ELMO1: variants seen among roughly 807,000 people sequenced by gnomAD.
The protein encoded by ELMO1 is engulfment and cell motility protein 1.
Under a neutral mutation model 98.9 loss-of-function variants are expected in ELMO1, and 26 were observed. The ratio of observed to expected loss-of-function variants is 0.26; its 90% confidence interval spans 0.19 to 0.36. ELMO1 has a LOEUF of 0.36. ELMO1 is among the 10% of genes least tolerant of loss of function. The pLI is 1.00. For missense variants in ELMO1, 627 were observed against 935.2 expected, an observed-to-expected ratio of 0.67 and a Z score of 4.30; for synonymous variants, 346 against 346.0, an observed-to-expected ratio of 1.00 and a Z score of 0.00.
At chr7:37,139,160 A>G (rs1787456287) in intron 13 of ELMO1, among the ~76,000 whole-genome samples, 1 of 152,182 alleles carries the variant, frequency 6.6e-6, no homozygotes, top group Admixed American at 6.5e-5. Flanking sequence ...CCTGAGAACT[A>G]GAACAGACAA....
At chr7:37,164,468 T>C (rs562762386) in intron 13 of ELMO1, among the ~76,000 whole-genome samples, 30 of 152,346 alleles carry the variant, frequency 2.0e-4, no homozygotes, top group African/African-American at 5.8e-4. Flanking sequence ...TTTATGGTTT[T>C]AGGTCTAACA....
chr7:37,275,723 T>C (rs1366764134), intron 4 of ELMO1, among the ~76,000 whole-genome samples: 1 of 152,236 alleles, frequency 6.6e-6, no homozygotes, highest in African/African-American at 2.4e-5. Flanking sequence ...CCTTCCCCCA[T>C]GCTTTTAAAT....
chr7:37,062,941 G>A (rs985112552), intron 15 of ELMO1, among the ~76,000 whole-genome samples: 2 of 152,136 alleles, frequency 1.3e-5, no homozygotes, highest in African/African-American at 4.8e-5. Flanking sequence ...CTGACCAGCT[G>A]ACAGCCCAAT....
intron 13 of ELMO1, among the ~76,000 whole-genome samples, chr7:37,147,507 AT>A (rs906846957): frequency 9.2e-5 from 14 of 152,196 alleles, no homozygotes; most frequent in African/African-American, 3.4e-4. Context: ...CTAAGGGAAT[AT>A]CCTCCCTGAA....
chr7:37,096,485 A>G, intron 15 of ELMO1, 134 bp downstream of exon 15: 3 of 681,382 alleles, frequency 4.4e-6, no homozygotes, highest in East Asian at 2.7e-5. Context: ...GAGCCAAATA[A>G]TAATCAACCT....
At chr7:36,939,473 G>A (rs74633070) in intron 16 of ELMO1, among the ~76,000 whole-genome samples, 8,787 of 152,232 alleles carry the variant, frequency 0.058, 470 homozygotes, top group East Asian at 0.27. Flanking sequence ...AACTCTTCCC[G>A]CAGGCTCTGT....
intron 14 of ELMO1, among the ~76,000 whole-genome samples, chr7:37,113,686 G>A (rs920625341): frequency 6.6e-5 from 10 of 152,210 alleles, no homozygotes; most frequent in Non-Finnish European, 1.3e-4. Flanking sequence ...CCAACCCGCT[G>A]TATAGCATGT....
At chr7:36,995,837 G>A (rs994360308) in intron 16 of ELMO1, among the ~76,000 whole-genome samples, 28 of 152,094 alleles carry the variant, frequency 1.8e-4, no homozygotes, top group African/African-American at 4.6e-4. Context: ...TTATACAAAT[G>A]AGATAATCTA....
chr7:37,308,408 G>A (rs57193747), intron 4 of ELMO1, among the ~76,000 whole-genome samples: 3 of 152,108 alleles, frequency 2.0e-5, no homozygotes, highest in Non-Finnish European at 4.4e-5. Context: ...ATGGTCCTAC[G>A]CTGGCTTTAT....
At chr7:36,933,730 G>A (rs1300038630) in intron 16 of ELMO1, among the ~76,000 whole-genome samples, 1 of 152,186 alleles carries the variant, frequency 6.6e-6, no homozygotes, top group South Asian at 2.1e-4. Context: ...AAGTTGGAGA[G>A]GAGAATGCAG....
chr7:36,933,554 G>A (rs977936567), intron 16 of ELMO1, among the ~76,000 whole-genome samples: 6 of 152,214 alleles, frequency 3.9e-5, no homozygotes, highest in Non-Finnish European at 8.8e-5. Context: ...TAGAGTGACA[G>A]GTGTGGGGTG....
chr7:37,029,099 G>C (rs942951145), intron 15 of ELMO1, among the ~76,000 whole-genome samples: 2 of 152,146 alleles, frequency 1.3e-5, no homozygotes, highest in Non-Finnish European at 2.9e-5. Context: ...GGCAGAGCCA[G>C]ACGTACGTGC....
intron 14 of ELMO1, among the ~76,000 whole-genome samples, chr7:37,112,379 G>A (rs973474944): frequency 1.3e-5 from 2 of 152,144 alleles, no homozygotes; most frequent in African/African-American, 4.8e-5. Flanking sequence ...TGGGCAAGCA[G>A]GGAAGGGATG....
chr7:37,401,665 TA>T (rs1035612016), intron 1 of ELMO1, among the ~76,000 whole-genome samples: 29 of 152,094 alleles, frequency 1.9e-4, no homozygotes, highest in African/African-American at 7.0e-4. Flanking sequence ...GAGAATCCCT[TA>T]AAAAACCATC....
chr7:37,359,028 T>C (rs928002183), intron 1 of ELMO1, among the ~76,000 whole-genome samples: 1 of 152,196 alleles, frequency 6.6e-6, no homozygotes, highest in Non-Finnish European at 1.5e-5. Context: ...ATGGCTTCTA[T>C]AACAGAATAG....
intron 1 of ELMO1, among the ~76,000 whole-genome samples, chr7:37,376,918 T>C (rs534137058): frequency 3.4e-4 from 52 of 152,226 alleles, no homozygotes; most frequent in Non-Finnish European, 6.3e-4. Context: ...AACTGGTAAC[T>C]CACAGCATCC....
chr7:37,415,287 T>C (rs1804164868), intron 1 of ELMO1, among the ~76,000 whole-genome samples: 1 of 152,226 alleles, frequency 6.6e-6, no homozygotes, highest in Non-Finnish European at 1.5e-5. Context: ...CTTCCAAAGT[T>C]ATGTTACGTG....
rs56928749 is a variant in ELMO1, at chr7:36,970,180, AACACACACACAC to A, written c.1437+43107_1437+43118del. On this transcript the variant is annotated intron_variant, in intron 16 of 21. Coordinates refer to ENST00000310758, the MANE Select transcript of ELMO1 (RefSeq NM_014800.11). ...CACACACAAATACATTCATACACTT[AACACACACACAC>A]ACACACACACACACACACACACACA... Among the ~76,000 whole-genome samples, 1,284 of 144,338 alleles carry A rather than the reference AACACACACACAC, an allele frequency of 8.9e-3. 19 individuals carry two copies. The highest frequency in any genetic ancestry group is 0.029 in the African/African-American group (1,104 of 38,712). The allele number at this position is 144,338 out of a possible 152,430, so 94.7% of individuals were successfully genotyped here.
intron 16 of ELMO1, among the ~76,000 whole-genome samples, chr7:36,974,163 C>A (rs1035547420): frequency 6.6e-6 from 1 of 152,248 alleles, no homozygotes; most frequent in Non-Finnish European, 1.5e-5. Flanking sequence ...CCACCTGCAG[C>A]CCCGGTGTGG....
Sources: allele counts gnomAD v4.1 joint callset (sites outside exome capture counted in the v4.1 genomes callset), GRCh38; gene constraint gnomAD v4.1.1; transcripts MANE v1.5; gene names NCBI Gene and HGNC (gene_info 2026-07-23, HGNC 2026-07-21).